The following IMPG1 variants were observed in gnomAD, a reference collection of about 807,000 sequenced individuals.
The protein encoded by IMPG1 is interphotoreceptor matrix proteoglycan 1, also known as interphotoreceptor matrix proteoglycan of 150 kDa.
Under a neutral mutation model 92.0 loss-of-function variants are expected in IMPG1, and 85 were observed. The observed-to-expected ratio is 0.92, with a 90% CI of 0.78 to 1.11. The LOEUF (loss-of-function observed/expected upper bound fraction) is 1.11, where lower values mean the gene tolerates loss of function less well. Ranked by LOEUF, IMPG1 falls within the 50% of genes least tolerant of loss-of-function variation. The pLI is 0.00. For synonymous variants in IMPG1, 367 were observed against 334.1 expected (o/e 1.10, Z -1.08); for missense variants, 1,022 against 956.0 (o/e 1.07, Z -0.91).
intron 15 of IMPG1, among the ~76,000 whole-genome samples, chr6:75,927,723 C>T (rs745842294): frequency 6.6e-5 from 10 of 150,870 alleles, no homozygotes; most frequent in Non-Finnish European, 1.2e-4. Flanking sequence ...CTTTCCCTCC[C>T]TCCCTCCCTC....
chr6:76,046,658 G>A (rs1783949119), intron 1 of IMPG1, among the ~76,000 whole-genome samples: 1 of 152,160 alleles, frequency 6.6e-6, no homozygotes, highest in Admixed American at 6.5e-5. Flanking sequence ...TGACATCCAA[G>A]TACATCCTGA....
At chr6:76,021,468 C>T (rs1029259526) in intron 6 of IMPG1, among the ~76,000 whole-genome samples, 6 of 152,060 alleles carry the variant, frequency 3.9e-5, no homozygotes, top group Admixed American at 1.3e-4. Flanking sequence ...TTACAGAGTT[C>T]GACAATTTGT....
rs540488222 is a variant in IMPG1, at chr6:75,979,497, C to T, written c.1291+23421G>A. 2.0e-5 allele frequency among the ~76,000 whole-genome samples: 3 copies of T among 152,298 alleles called. No homozygotes were observed. In the East Asian group the frequency reaches 5.8e-4, roughly 29 times the overall value. ...CTAACACATTATATGAAAGAAAGGA[C>T]AGTCTTCTATTGTCAATAATGGATC... is the stretch of plus-strand genomic sequence containing the variant. On this transcript the variant is annotated intron_variant, in intron 12 of 16. Transcript: ENST00000369950.
intron 12 of IMPG1, among the ~76,000 whole-genome samples, chr6:75,990,588 TACACACACACACACACAC>T (rs112985372): frequency 6.9e-6 from 1 of 144,912 alleles, no homozygotes; most frequent in East Asian, 2.1e-4. Context: ...ACCCCACCTC[TACACACACACACACACAC>T]ACACACACAC....
chr6:75,987,681 G>A (rs1173974023), intron 12 of IMPG1, among the ~76,000 whole-genome samples: 1 of 145,028 alleles, frequency 6.9e-6, no homozygotes, highest in Non-Finnish European at 1.5e-5. Flanking sequence ...GTCTCACTCT[G>A]TTACCCAGGC....
chr6:75,979,367 T>A (rs918254015), intron 12 of IMPG1, among the ~76,000 whole-genome samples: 5 of 152,084 alleles, frequency 3.3e-5, no homozygotes, highest in African/African-American at 1.2e-4. Context: ...GGAAAAGGGG[T>A]GTGGAGAGGG....
chr6:76,022,672 C>T (rs1201619407), intron 5 of IMPG1, among the ~76,000 whole-genome samples: 1 of 152,118 alleles, frequency 6.6e-6, no homozygotes, highest in African/African-American at 2.4e-5. Context: ...ATTTAAGATG[C>T]TATGAATTTC....
chr6:76,000,882 G>A (rs1295850988), intron 12 of IMPG1, among the ~76,000 whole-genome samples: 1 of 152,220 alleles, frequency 6.6e-6, no homozygotes, highest in African/African-American at 2.4e-5. Flanking sequence ...AGAGGCTGTG[G>A]TTTGAGGGCA....
intron 12 of IMPG1, among the ~76,000 whole-genome samples, chr6:75,969,027 A>C (rs1266849341): frequency 1.3e-5 from 2 of 152,200 alleles, no homozygotes; most frequent in Non-Finnish European, 2.9e-5. Context: ...AACATGAATG[A>C]ACCTGTTCAG....
intron 2 of IMPG1, among the ~76,000 whole-genome samples, chr6:76,038,529 C>T (rs745504705): frequency 4.6e-5 from 7 of 152,158 alleles, no homozygotes; most frequent in Non-Finnish European, 1.0e-4. Flanking sequence ...GATAGTCCCC[C>T]ATCCTTACTG....
chr6:76,038,144 G>C (rs921643124), intron 2 of IMPG1, among the ~76,000 whole-genome samples: 1 of 152,150 alleles, frequency 6.6e-6, no homozygotes, highest in Non-Finnish European at 1.5e-5. Context: ...CCTGTCATAT[G>C]GCTGCGGGGA....
chr6:76,020,319 C>T (rs1783397301), intron 6 of IMPG1, among the ~76,000 whole-genome samples: 1 of 152,164 alleles, frequency 6.6e-6, no homozygotes, highest in Non-Finnish European at 1.5e-5. Context: ...TCCCAAGGTG[C>T]TGGGATTACA....
chr6:75,965,468 C>T (rs1207955473), intron 12 of IMPG1, among the ~76,000 whole-genome samples: 1 of 151,624 alleles, frequency 6.6e-6, no homozygotes, highest in Non-Finnish European at 1.5e-5. Flanking sequence ...AACGTCTTTT[C>T]ATGTGCTTAT....
chr6:76,056,644 C>T lies in IMPG1; in HGVS notation c.68-14518G>A, dbSNP rs138605331. On this transcript the variant is annotated intron_variant, in intron 1 of 16. Coordinates refer to ENST00000369950, the MANE Select transcript of IMPG1 (RefSeq NM_001563.4). ...AAATAGCCGTAGTAATTTATATTTC[C>T]ACCAACAATGTTCAAAGGTTCCCTT... Among the ~76,000 whole-genome samples the T allele has an allele frequency of 3.3e-5, 5 of 152,184 alleles. No homozygotes were observed. In the East Asian group the frequency reaches 9.7e-4, roughly 29 times the overall value.
chr6:75,939,200 C>CT (rs1467479835), intron 14 of IMPG1, among the ~76,000 whole-genome samples: 10 of 151,564 alleles, frequency 6.6e-5, no homozygotes, highest in Admixed American at 4.6e-4. Context: ...CTTTTCTTTT[C>CT]TTTTTTTTAA....
intron 1 of IMPG1, among the ~76,000 whole-genome samples, chr6:76,055,842 AAC>A (rs1049673285): frequency 7.3e-4 from 111 of 152,190 alleles, no homozygotes; most frequent in African/African-American, 2.5e-3. Context: ...AATTTGTAGA[AAC>A]GTGTAACTTA....
chr6:76,068,646 A>G (rs1784352403), intron 1 of IMPG1, among the ~76,000 whole-genome samples: 1 of 150,610 alleles, frequency 6.6e-6, no homozygotes, highest in Non-Finnish European at 1.5e-5. Context: ...CCTCCCAAGT[A>G]CCTGGGATTA....
At chr6:75,977,858 A>C (rs1455671986) in intron 12 of IMPG1, among the ~76,000 whole-genome samples, 1 of 152,110 alleles carries the variant, frequency 6.6e-6, no homozygotes, top group African/African-American at 2.4e-5. Context: ...AACACCAAGT[A>C]ATTTCACTCT....
intron 14 of IMPG1, among the ~76,000 whole-genome samples, chr6:75,934,272 A>G (rs1582051104): frequency 6.6e-6 from 1 of 152,232 alleles, no homozygotes; most frequent in Non-Finnish European, 1.5e-5. Context: ...CAGTGGCTCC[A>G]ATGTTTTTTC....
Sources: allele counts gnomAD v4.1 joint callset (sites outside exome capture counted in the v4.1 genomes callset), GRCh38; gene constraint gnomAD v4.1.1; transcripts MANE v1.5; gene names NCBI Gene and HGNC (gene_info 2026-07-23, HGNC 2026-07-21).